PRKAR2B: variants seen among roughly 807,000 people sequenced by gnomAD.
PRKAR2B encodes the protein cAMP-dependent protein kinase type II-beta regulatory subunit.
PRKAR2B carries 14 observed loss-of-function variants against 49.9 expected under a neutral mutation model. That is an observed-to-expected ratio of 0.28 (90% CI 0.19 to 0.44). PRKAR2B has a LOEUF of 0.44. Ranked by LOEUF, PRKAR2B falls within the 20% of genes least tolerant of loss-of-function variation. The pLI is 1.00. For missense variants in PRKAR2B, 393 were observed against 537.9 expected, an observed-to-expected ratio of 0.73 and a Z score of 2.67; for synonymous variants, 196 against 197.7, an observed-to-expected ratio of 0.99 and a Z score of 0.07.
At chr7:107,154,309 C>T (rs1195294610) in intron 8 of PRKAR2B, among the ~76,000 whole-genome samples, 1 of 152,226 alleles carries the variant, frequency 6.6e-6, no homozygotes, top group African/African-American at 2.4e-5. Context: ...CGTTTTGCAT[C>T]ACTGTTAATA....
At chr7:107,102,453 G>A (rs1312571026) in intron 2 of PRKAR2B, among the ~76,000 whole-genome samples, 1 of 152,154 alleles carries the variant, frequency 6.6e-6, no homozygotes, top group Non-Finnish European at 1.5e-5. Flanking sequence ...GGATGGCCCT[G>A]CTCTGTCTAT....
chr7:107,049,703 G>A (rs923876605), intron 1 of PRKAR2B, among the ~76,000 whole-genome samples: 1 of 152,104 alleles, frequency 6.6e-6, no homozygotes, highest in Non-Finnish European at 1.5e-5. Flanking sequence ...AGCAGGGAAT[G>A]AGCTTATGTG....
intron 2 of PRKAR2B, among the ~76,000 whole-genome samples, chr7:107,095,527 T>A (rs571757731): frequency 6.6e-6 from 1 of 152,344 alleles, no homozygotes; most frequent in East Asian, 1.9e-4. Context: ...TGGCCAGAAC[T>A]TCCAACACTA....
intron 6 of PRKAR2B, among the ~76,000 whole-genome samples, chr7:107,150,695 CT>C (rs1470858921): frequency 5.2e-4 from 34 of 65,054 alleles, no homozygotes; most frequent in African/African-American, 2.3e-3. Flanking sequence ...CAGATGCTTT[CT>C]TTAAAAAAAA....
intron 4 of PRKAR2B, among the ~76,000 whole-genome samples, chr7:107,138,711 TCTCA>T (rs1230646996): frequency 2.0e-5 from 3 of 150,974 alleles, no homozygotes; most frequent in Non-Finnish European, 4.4e-5. Context: ...TGAGACAGAG[TCTCA>T]CTCTGTTGCC....
At chr7:107,067,598 G>C (rs1250001248) in intron 1 of PRKAR2B, among the ~76,000 whole-genome samples, 3 of 152,186 alleles carry the variant, frequency 2.0e-5, no homozygotes, top group African/African-American at 7.2e-5. Flanking sequence ...ATGTATTTCA[G>C]TAGGTATGTG....
chr7:107,131,980 T>G (rs986164307), intron 4 of PRKAR2B, among the ~76,000 whole-genome samples: 3 of 152,218 alleles, frequency 2.0e-5, no homozygotes, highest in Non-Finnish European at 4.4e-5. Flanking sequence ...TATTTAGAGA[T>G]GGTTGTTGTC....
intron 3 of PRKAR2B, among the ~76,000 whole-genome samples, chr7:107,127,470 C>A (rs1217662849): frequency 1.3e-5 from 2 of 152,250 alleles, no homozygotes; most frequent in Non-Finnish European, 2.9e-5. Context: ...GCCACACTTA[C>A]ACACACGGCA....
chr7:107,136,103 A>G (rs911080880), intron 4 of PRKAR2B, among the ~76,000 whole-genome samples: 1 of 152,194 alleles, frequency 6.6e-6, no homozygotes, highest in South Asian at 2.1e-4. Flanking sequence ...TTTTCAACAA[A>G]TGGTGCTGGA....
At position 107,054,047 on chromosome 7, in the gene PRKAR2B, G is replaced by A. The variant is rs993304858; in HGVS notation, c.307+8833G>A. ...CAATTCTTTTGTAAATATGCATTAAGTAGTAAATAAAACACAGTAGGCCGT... is the reference window on the plus strand; with the variant it reads ...CAATTCTTTTGTAAATATGCATTAAATAGTAAATAAAACACAGTAGGCCGT... On this transcript the variant is annotated intron_variant, in intron 1 of 10. Coordinates refer to ENST00000265717, the MANE Select transcript of PRKAR2B (RefSeq NM_002736.3). Among the ~76,000 whole-genome samples the A allele has an allele frequency of 2.6e-5, 4 of 152,126 alleles. No homozygotes were observed. In the East Asian group the frequency reaches 7.7e-4, roughly 29 times the overall value.
At chr7:107,090,989 G>A (rs957384588) in intron 2 of PRKAR2B, among the ~76,000 whole-genome samples, 1 of 152,166 alleles carries the variant, frequency 6.6e-6, no homozygotes, top group South Asian at 2.1e-4. Flanking sequence ...AGATAAAGTG[G>A]GAGGCTAAAG....
chr7:107,129,816 C>T (rs1795570969), intron 4 of PRKAR2B, among the ~76,000 whole-genome samples: 1 of 152,156 alleles, frequency 6.6e-6, no homozygotes, highest in Non-Finnish European at 1.5e-5. Flanking sequence ...CCTGACATTG[C>T]CATGGCATTT....
In PRKAR2B at chr7:107,045,062, G is replaced by A; in HGVS notation, c.155G>A (p.Gly52Asp). 1 of 1,543,100 alleles carries A rather than the reference G, an allele frequency of 6.5e-7. No individual in the cohort carries two copies. The highest frequency in any genetic ancestry group is 1.4e-5 in the African/African-American group (1 of 73,408). ...ENERKGTARF[G>D]HEGRTWGDLG... The stretch of plus-strand genomic sequence containing the variant: ...GAGCGCAAAGGCACCGCGCGCTTCG[G>A]CCATGAGGGCAGGACCTGGGGGGAC... Residue 52 changes from glycine (G) to aspartate (D), a missense_variant, in exon 1 of 11, where the codon GGC (glycine) becomes GAC (aspartate). By Grantham distance (94) the Gly-to-Asp change is moderately conservative. Coordinates refer to ENST00000265717, the MANE Select transcript of PRKAR2B (RefSeq NM_002736.3).
Position 107,132,865 on chromosome 7 carries a change from A to T in PRKAR2B, c.480+4570A>T, listed in dbSNP as rs148167925. On this transcript the variant is annotated intron_variant, in intron 4 of 10. Coordinates refer to ENST00000265717, the MANE Select transcript of PRKAR2B (RefSeq NM_002736.3). Reference sequence around the variant, plus strand: ...TTTTTCCTTAGAGAGCTGTATATTCATATGTTGAGCACAGCATTTATAATT... The same window carrying T: ...TTTTTCCTTAGAGAGCTGTATATTCTTATGTTGAGCACAGCATTTATAATT... Among the ~76,000 whole-genome samples the T allele has an allele frequency of 9.8e-4, 149 of 152,312 alleles. 1 individual carries two copies. Among genetic ancestry groups the T allele is most frequent in the African/African-American group, 3.4e-3 (142 of 41,564 alleles).
chr7:107,123,522 C>T (rs1448123333), intron 3 of PRKAR2B, among the ~76,000 whole-genome samples: 1 of 152,192 alleles, frequency 6.6e-6, no homozygotes, highest in Non-Finnish European at 1.5e-5. Context: ...AGGCAGGAGC[C>T]AGCCCGCCTC....
rs1455153877 is a variant in PRKAR2B, at chr7:107,045,076, A to C, written c.169A>C (p.Thr57Pro). The change falls in exon 1 of 11, where the codon ACC becomes CCC. Residue 57 changes from threonine (T) to proline (P), a missense_variant. Thr to Pro is a conservative substitution (Grantham distance 38). Coordinates refer to ENST00000265717, the MANE Select transcript of PRKAR2B (RefSeq NM_002736.3). The part of the protein sequence containing the change: ...GTARFGHEGR[T>P]WGDLGAAAGG... ...CGCGCGCTTCGGCCATGAGGGCAGG[A>C]CCTGGGGGGACCTGGGCGCCGCTGC... 3.3e-6 allele frequency: 5 copies of C among 1,535,802 alleles called. No homozygotes were observed. The East Asian group carries it at 9.8e-5, about 30-fold the overall frequency.
chr7:107,104,025 C>T (rs939754437), intron 2 of PRKAR2B, among the ~76,000 whole-genome samples: 1 of 150,170 alleles, frequency 6.7e-6, no homozygotes. Context: ...ATGTTTTTTT[C>T]TTTTTTTTTT....
chr7:107,095,660 A>G (rs1420034564), intron 2 of PRKAR2B, among the ~76,000 whole-genome samples: 1 of 152,246 alleles, frequency 6.6e-6, no homozygotes, highest in South Asian at 2.1e-4. Context: ...AGCTCTTATT[A>G]TTTTGAGATA....
intron 6 of PRKAR2B, among the ~76,000 whole-genome samples, chr7:107,147,870 G>A (rs1795921035): frequency 6.6e-6 from 1 of 152,202 alleles, no homozygotes; most frequent in South Asian, 2.1e-4. Context: ...AAGGACTACT[G>A]TATATAGCAT....
Sources: gnomAD v4.1 joint callset for allele counts (sites outside exome capture counted in the v4.1 genomes callset) on GRCh38, gnomAD v4.1.1 for gene constraint, MANE v1.5 for transcripts, NCBI Gene and HGNC (gene_info 2026-07-23, HGNC 2026-07-21) for gene names.